Variants in CHODL observed in about 807,000 individuals in gnomAD.
The protein encoded by CHODL is chondrolectin, also known as transmembrane protein MT75.
A neutral mutation model predicts 34.5 loss-of-function variants in CHODL; 29 were observed. That is an observed-to-expected ratio of 0.84 (90% CI 0.63 to 1.15). The LOEUF is 1.15. Ranked by LOEUF, CHODL falls within the 50% of genes most tolerant of loss-of-function variation. The pLI is 0.00. For synonymous variants in CHODL, 125 were observed against 116.1 expected, an observed-to-expected ratio of 1.08 and a Z score of -0.49; for missense variants, 332 against 332.5, an observed-to-expected ratio of 1.00 and a Z score of 0.01.
chr21:18,028,888 A>T (rs550879555), intron 2 of CHODL, among the ~76,000 whole-genome samples: 1 of 152,218 alleles, frequency 6.6e-6, no homozygotes, highest in Admixed American at 6.6e-5. Context: ...GTTAAGGTAA[A>T]TAATAGCTGG....
At chr21:18,032,855 G>T (rs545723042) in intron 2 of CHODL, among the ~76,000 whole-genome samples, 1 of 151,878 alleles carries the variant, frequency 6.6e-6, no homozygotes, top group African/African-American at 2.4e-5. Flanking sequence ...TAAAGGTGAC[G>T]GCATGACATT....
chr21:18,108,147 CT>C lies in CHODL; in HGVS notation c.-45+80190del, dbSNP rs67320180. On this transcript the variant is annotated intron_variant, in intron 2 of 6. Transcript: ENST00000400127. ...ACAAGGCAGTTGCTCATCAGATTCACTTTTTTTTTTTTTTATCATTTACTGT... is the reference window on the plus strand; with the variant it reads ...ACAAGGCAGTTGCTCATCAGATTCACTTTTTTTTTTTTTATCATTTACTGT... Among the ~76,000 whole-genome samples, 522 of 147,310 alleles carry C rather than the reference CT, an allele frequency of 3.5e-3. 1 individual carries two copies. The highest frequency in any genetic ancestry group is 7.5e-3 in the South Asian group (35 of 4,670).
chr21:18,092,271 T>C (rs1446360487), intron 2 of CHODL, among the ~76,000 whole-genome samples: 1 of 152,200 alleles, frequency 6.6e-6, no homozygotes, highest in Non-Finnish European at 1.5e-5. Context: ...ACCAAGGTGG[T>C]ACCTCTGTGA....
intron 2 of CHODL, among the ~76,000 whole-genome samples, chr21:18,123,050 T>C (rs2065499143): frequency 6.6e-6 from 1 of 152,244 alleles, no homozygotes; most frequent in Non-Finnish European, 1.5e-5. Context: ...AACGTCTGAC[T>C]GAGCAATACA....
chr21:18,121,999 A>G (rs938428220), intron 2 of CHODL, among the ~76,000 whole-genome samples: 2 of 152,112 alleles, frequency 1.3e-5, no homozygotes, highest in Non-Finnish European at 2.9e-5. Context: ...CTATCTATCC[A>G]TATTAAATAA....
In CHODL at chr21:17,931,116, C is replaced by T. The variant is rs113441732; in HGVS notation, c.-145+13716C>T. 7.6e-3 allele frequency among the ~76,000 whole-genome samples: 1,161 copies of T among 152,282 alleles called. 19 individuals are homozygous for T. The highest frequency in any genetic ancestry group is 0.027 in the African/African-American group (1,106 of 41,546). ...CTGCAGCAACCTTGGCACATTTCAC[C>T]AGGAGCTCCCTCAGTCACTCCCGTC... On this transcript the variant is annotated intron_variant, in intron 1 of 6. Transcript: ENST00000400127.
intron 5 of CHODL, 37 bp from the exon 6 acceptor site, chr21:18,265,917 A>T: frequency 6.3e-7 from 1 of 1,575,934 alleles, no homozygotes; most frequent in Non-Finnish European, 8.7e-7. Flanking sequence ...TTAATAAGAA[A>T]TTTTAGGCAC....
intron 2 of CHODL, among the ~76,000 whole-genome samples, chr21:18,110,765 C>T (rs1482631650): frequency 6.6e-6 from 1 of 152,224 alleles, no homozygotes; most frequent in Non-Finnish European, 1.5e-5. Flanking sequence ...TCACAATGCA[C>T]TGGAACATGG....
At chr21:18,091,536 G>A (rs766510640) in intron 2 of CHODL, among the ~76,000 whole-genome samples, 1 of 152,156 alleles carries the variant, frequency 6.6e-6, no homozygotes, top group Non-Finnish European at 1.5e-5. Context: ...AGCCACAGTA[G>A]GATAGGGCAC....
At chr21:18,094,886 G>T (rs911297017) in intron 2 of CHODL, among the ~76,000 whole-genome samples, 6 of 152,106 alleles carry the variant, frequency 3.9e-5, no homozygotes, top group African/African-American at 1.4e-4. Context: ...CACTTTGAGA[G>T]GCTGAAGCAG....
At chr21:18,082,986 A>G (rs1295051636) in intron 2 of CHODL, among the ~76,000 whole-genome samples, 2 of 152,080 alleles carry the variant, frequency 1.3e-5, no homozygotes, top group African/African-American at 4.8e-5. Context: ...CGTTAGTAAA[A>G]ATGAACCAAA....
chr21:18,245,939 T>C (rs1256127544), intron 1 of CHODL: 4 of 1,535,472 alleles, frequency 2.6e-6, no homozygotes, highest in African/African-American at 2.7e-5. Flanking sequence ...GGCCGAGGTA[T>C]ACTTGGTAAT....
intron 4 of CHODL, among the ~76,000 whole-genome samples, chr21:18,262,487 T>C (rs1388327035): frequency 6.6e-6 from 1 of 152,110 alleles, no homozygotes; most frequent in East Asian, 1.9e-4. Context: ...TCAAAACCTA[T>C]CTAAACATAG....
At chr21:18,255,620 G>A (rs2146810046) in intron 1 of CHODL, among the ~76,000 whole-genome samples, 1 of 152,166 alleles carries the variant, frequency 6.6e-6, no homozygotes, top group Non-Finnish European at 1.5e-5. Context: ...CCATTGATAA[G>A]ATTTTACTAG....
intron 2 of CHODL, among the ~76,000 whole-genome samples, chr21:18,184,636 G>A (rs2073419257): frequency 6.6e-6 from 1 of 152,124 alleles, no homozygotes; most frequent in African/African-American, 2.4e-5. Context: ...GCTGGACAAT[G>A]CCCAGTATTG....
Position 18,245,278 on chromosome 21 carries a change from G to A in CHODL, c.55G>A (p.Ala19Thr), listed in dbSNP as rs1185140303. ...LGAALLCGHGAFCRRVVSGQK... is the reference protein window; with the variant it reads ...LGAALLCGHGTFCRRVVSGQK... ...CGCCGCGCTGCTCTGCGGCCACGGA[G>A]CCTTCTGCCGCCGCGTGGTCAGCGG... Residue 19 changes from alanine (A) to threonine (T), a missense_variant, in exon 1 of 6, where the codon GCC becomes ACC. Ala to Thr is a moderately conservative substitution (Grantham distance 58). Transcript: ENST00000299295. 2.6e-6 allele frequency: 4 copies of A among 1,525,192 alleles called. No homozygotes were observed. Among genetic ancestry groups the A allele is most frequent in the Non-Finnish European group, 3.5e-6 (4 of 1,142,660 alleles). 94.5% of individuals were successfully genotyped at this position (1,525,192 alleles called of 1,614,324 possible).
intron 3 of CHODL, among the ~76,000 whole-genome samples, chr21:18,258,118 C>T (rs2074338445): frequency 6.6e-6 from 1 of 152,108 alleles, no homozygotes; most frequent in Non-Finnish European, 1.5e-5. Context: ...CCAGAAAACA[C>T]AAGGGATTAT....
At chr21:17,942,949 C>T (rs1233242433) in intron 1 of CHODL, among the ~76,000 whole-genome samples, 1 of 152,164 alleles carries the variant, frequency 6.6e-6, no homozygotes, top group Non-Finnish European at 1.5e-5. Context: ...AGCACTTCTA[C>T]CTTCACTCTC....
rs1206575171 is a variant in CHODL at position 18,249,071 on chromosome 21, T to C, written c.79+3769T>C. ...TATATATTATATATAATTTACTATATATAATATATATATAATAAAATATAT... is the reference window on the plus strand; with the variant it reads ...TATATATTATATATAATTTACTATACATAATATATATATAATAAAATATAT... On this transcript the variant is annotated intron_variant, in intron 1 of 5. Transcript: ENST00000299295. Among the ~76,000 whole-genome samples the C allele has an allele frequency of 3.5e-3, 413 of 117,948 alleles. 1 individual carries two copies. Among genetic ancestry groups the C allele is most frequent in the Non-Finnish European group, 5.5e-3 (342 of 62,230 alleles). The allele number at this position is 117,948 out of a possible 152,430, so 77.4% of individuals were successfully genotyped here. A position where few individuals can be genotyped will look rare whatever the true frequency, so the allele number is the denominator to read the frequency against.
Sources: allele counts gnomAD v4.1 joint callset (sites outside exome capture counted in the v4.1 genomes callset), GRCh38; gene constraint gnomAD v4.1.1; transcripts MANE v1.5; gene names NCBI Gene and HGNC (gene_info 2026-07-23, HGNC 2026-07-21).